JARID2: variants seen among roughly 807,000 people sequenced by gnomAD.
The protein encoded by JARID2 is protein Jumonji.
In JARID2, 21 loss-of-function variants were observed where a neutral mutation model predicts 125.6. That is an observed-to-expected ratio of 0.17 (90% CI 0.12 to 0.24). The LOEUF (loss-of-function observed/expected upper bound fraction) is 0.24, where lower values mean the gene tolerates loss of function less well. Among genes scored for constraint, JARID2 ranks in the 10% least tolerant of loss-of-function variants. JARID2 has a pLI of 1.00. For synonymous variants in JARID2, 736 were observed against 661.6 expected (o/e 1.11, Z -1.73); for missense variants, 1,303 against 1,639.6 (o/e 0.79, Z 3.55).
At chr6:15,296,728 C>G (rs1761429828) in intron 1 of JARID2, among the ~76,000 whole-genome samples, 1 of 152,198 alleles carries the variant, frequency 6.6e-6, no homozygotes, top group African/African-American at 2.4e-5. Context: ...ACCCGTGTCC[C>G]TGTAACATGT....
At chr6:15,367,196 C>T (rs1764011696) in intron 1 of JARID2, among the ~76,000 whole-genome samples, 1 of 152,204 alleles carries the variant, frequency 6.6e-6, no homozygotes, top group Non-Finnish European at 1.5e-5. Context: ...AATTAACTGT[C>T]TTCCATTTTT....
Position 15,258,628 on chromosome 6 carries a change from A to G in JARID2, c.45+12044A>G, listed in dbSNP as rs142489943. On this transcript the variant is annotated intron_variant, in intron 1 of 17. Transcript: ENST00000341776. ...GAAAACCTGTCTCTACTGAAAATAC[A>G]AAAATTAGCCAGGTGTGGTGGCAAG... 1.4e-3 allele frequency among the ~76,000 whole-genome samples: 207 copies of G among 152,320 alleles called. 6 individuals carry two copies. The East Asian group carries it at 0.037, about 27-fold the overall frequency.
intron 3 of JARID2, among the ~76,000 whole-genome samples, chr6:15,447,126 A>G (rs940556356): frequency 1.3e-5 from 2 of 152,212 alleles, no homozygotes; most frequent in Non-Finnish European, 2.9e-5. Context: ...CGCCCCAGTG[A>G]TGATCTGATC....
intron 1 of JARID2, among the ~76,000 whole-genome samples, chr6:15,335,965 G>A (rs1762862633): frequency 6.6e-6 from 1 of 152,094 alleles, no homozygotes; most frequent in South Asian, 2.1e-4. Context: ...ATGTACCCGT[G>A]GTCCCAGCTA....
At chr6:15,462,831 G>C (rs934088325) in intron 4 of JARID2, among the ~76,000 whole-genome samples, 2 of 152,232 alleles carry the variant, frequency 1.3e-5, no homozygotes, top group African/African-American at 4.8e-5. Context: ...ATGATTCATA[G>C]AGAAGAATCC....
chr6:15,378,252 CAA>C (rs1398020417), intron 2 of JARID2, among the ~76,000 whole-genome samples: 2 of 145,128 alleles, frequency 1.4e-5, no homozygotes, highest in African/African-American at 5.1e-5. Context: ...TTTCAAATGT[CAA>C]AATGTTTCCA....
At chr6:15,450,284 C>T (rs527871975) in intron 3 of JARID2, among the ~76,000 whole-genome samples, 1 of 152,236 alleles carries the variant, frequency 6.6e-6, no homozygotes, top group South Asian at 2.1e-4. Flanking sequence ...ATTCTCCTGC[C>T]TCAGCCTCCT....
At chr6:15,503,809 G>A (rs1770860165) in intron 8 of JARID2, among the ~76,000 whole-genome samples, 1 of 152,204 alleles carries the variant, frequency 6.6e-6, no homozygotes, top group Non-Finnish European at 1.5e-5. Flanking sequence ...CGTGTGGTAG[G>A]TAAAAGAAGG....
At chr6:15,376,288 G>T (rs1213315391) in intron 2 of JARID2, among the ~76,000 whole-genome samples, 1 of 152,204 alleles carries the variant, frequency 6.6e-6, no homozygotes, top group Non-Finnish European at 1.5e-5. Context: ...CTGTGAATAT[G>T]CCATTTTCTA....
At chr6:15,461,050 A>G (rs1488750439) in intron 4 of JARID2, among the ~76,000 whole-genome samples, 1 of 152,202 alleles carries the variant, frequency 6.6e-6, no homozygotes, top group Non-Finnish European at 1.5e-5. Flanking sequence ...ACTTGAGATA[A>G]TACCGTGATG....
At chr6:15,330,601 A>G (rs1762675106) in intron 1 of JARID2, among the ~76,000 whole-genome samples, 1 of 152,252 alleles carries the variant, frequency 6.6e-6, no homozygotes, top group South Asian at 2.1e-4. Flanking sequence ...TATTTCAAAA[A>G]TCAGTTCTAA....
At chr6:15,483,798 T>C (rs9370817) in intron 5 of JARID2, among the ~76,000 whole-genome samples, 61,909 of 151,974 alleles carry the variant, frequency 0.41, 12,890 homozygotes, top group East Asian at 0.52. Flanking sequence ...ATATGGGAAC[T>C]CCTACGTTTC....
At chr6:15,442,728 T>C (rs985085720) in intron 3 of JARID2, among the ~76,000 whole-genome samples, 5 of 152,226 alleles carry the variant, frequency 3.3e-5, no homozygotes, top group Non-Finnish European at 7.3e-5. Context: ...TGATTAATGA[T>C]GATCCCTCTC....
chr6:15,421,765 G>A (rs1479754076), intron 3 of JARID2, among the ~76,000 whole-genome samples: 3 of 152,154 alleles, frequency 2.0e-5, no homozygotes, highest in Admixed American at 6.5e-5. Flanking sequence ...CCTTCCATAA[G>A]TTGTAGCAAA....
At chr6:15,369,572 G>A (rs962302151) in intron 1 of JARID2, among the ~76,000 whole-genome samples, 2 of 152,156 alleles carry the variant, frequency 1.3e-5, no homozygotes, top group East Asian at 3.9e-4. Flanking sequence ...TTCTACCAAG[G>A]GGCCTGAAGT....
chr6:15,511,601 G>A (rs560306952), intron 13 of JARID2, among the ~76,000 whole-genome samples, 200 bp downstream of exon 13: 1 of 152,194 alleles, frequency 6.6e-6, no homozygotes, highest in Non-Finnish European at 1.5e-5. Context: ...GTTTTGCACG[G>A]CCTTTGCATC....
intron 2 of JARID2, among the ~76,000 whole-genome samples, chr6:15,390,379 A>G (rs1320674426): frequency 3.3e-5 from 5 of 152,100 alleles, no homozygotes; most frequent in Non-Finnish European, 7.4e-5. Context: ...GCACTGCCGC[A>G]CACTCAGGTC....
At chr6:15,253,014 G>A (rs1759515987) in intron 1 of JARID2, among the ~76,000 whole-genome samples, 1 of 151,838 alleles carries the variant, frequency 6.6e-6, no homozygotes. Context: ...ATCTTTCTTG[G>A]GACTTCAGAC....
rs1165786020 is a variant in JARID2 at position 15,469,290 on chromosome 6, G to GTCTCTCTCTCTC, written c.670+579_670+580insCTCTCTCTCTCT. On this transcript the variant is annotated intron_variant, in intron 5 of 17. Coordinates refer to ENST00000341776, the MANE Select transcript of JARID2 (RefSeq NM_004973.4). ...TCTGTCTCTCTGTCTCTCTGTCTCTGTCTCTCTGTCTCTGTCTCTCTCTCT... is the reference window on the plus strand; with the variant it reads ...TCTGTCTCTCTGTCTCTCTGTCTCTGTCTCTCTCTCTCTCTCTCTGTCTCTGTCTCTCTCTCT... 1.0e-4 allele frequency among the ~76,000 whole-genome samples: 8 copies of GTCTCTCTCTCTC among 76,816 alleles called. 1 individual carries two copies. Among genetic ancestry groups the GTCTCTCTCTCTC allele is most frequent in the South Asian group, 1.2e-3 (2 of 1,680 alleles). The allele number at this position is 76,816 out of a possible 152,430, so 50.4% of individuals were successfully genotyped here. A position where few individuals can be genotyped will look rare whatever the true frequency, so the allele number is the denominator to read the frequency against.
Sources: allele counts gnomAD v4.1 joint callset (sites outside exome capture counted in the v4.1 genomes callset), GRCh38; gene constraint gnomAD v4.1.1; transcripts MANE v1.5; gene names NCBI Gene and HGNC (gene_info 2026-07-23, HGNC 2026-07-21).